Variants in TMEM181 observed in about 807,000 individuals in gnomAD.
The protein encoded by TMEM181 is G protein-coupled receptor 178.
In TMEM181, 39 loss-of-function variants were observed where a neutral mutation model predicts 71.9. That is an observed-to-expected ratio of 0.54 (90% CI 0.42 to 0.71). The LOEUF (loss-of-function observed/expected upper bound fraction) is 0.71, where lower values mean the gene tolerates loss of function less well. Among genes scored for constraint, TMEM181 ranks in the 30% least tolerant of loss-of-function variants. The probability of loss-of-function intolerance (pLI) is 0.00; values close to 1 mark genes in which losing one functional copy is unlikely to be tolerated. For synonymous variants in TMEM181, 245 were observed against 228.8 expected (o/e 1.07, Z -0.64); for missense variants, 595 against 583.0 (o/e 1.02, Z -0.21).
chr6:158,619,394 C>G (rs1785820989), intron 10 of TMEM181, among the ~76,000 whole-genome samples: 1 of 152,128 alleles, frequency 6.6e-6, no homozygotes, highest in Non-Finnish European at 1.5e-5. Flanking sequence ...AGCCATTTGT[C>G]TAATCTTTTT....
At chr6:158,556,581 G>A (rs1562617801), upstream of TMEM181, among the ~76,000 whole-genome samples, 1 of 152,194 alleles carries the variant, frequency 6.6e-6, no homozygotes, top group Non-Finnish European at 1.5e-5. Flanking sequence ...CACTCACAAG[G>A]GGGATGCCAG....
intron 10 of TMEM181, chr6:158,609,844 C>T (rs1480409074): frequency 4.2e-6 from 1 of 238,508 alleles, no homozygotes; most frequent in Non-Finnish European, 9.3e-6. Flanking sequence ...TTTTGGGAAC[C>T]CGGCTAGGGA....
upstream of TMEM181, chr6:158,559,991 C>G (rs933643440): frequency 3.2e-6 from 3 of 948,180 alleles, no homozygotes; most frequent in South Asian, 4.9e-5. Flanking sequence ...GGAGGGCCAC[C>G]CCCCTCGCCG....
chr6:158,608,091 C>T (rs929495744), intron 8 of TMEM181, among the ~76,000 whole-genome samples: 2 of 152,244 alleles, frequency 1.3e-5, no homozygotes, highest in Admixed American at 1.3e-4. Flanking sequence ...TGGTTCACTA[C>T]CTTTCCTTTG....
chr6:158,570,628 C>G (rs371917910), intron 1 of TMEM181, among the ~76,000 whole-genome samples: 1 of 152,208 alleles, frequency 6.6e-6, no homozygotes, highest in East Asian at 1.9e-4. Flanking sequence ...CCCTCTGCAC[C>G]CACACTCTGC....
intron 6 of TMEM181, 122 bp from the exon 7 acceptor site, chr6:158,605,145 T>TGTGTGTGG: frequency 3.6e-6 from 2 of 552,536 alleles, no homozygotes; most frequent in Non-Finnish European, 6.5e-6. Flanking sequence ...TGTGTGTGTG[T>TGTGTGTGG]GTGTGTGTGT....
chr6:158,622,013 AGGCTGCCTCCGGACAGCCCACCT>A (rs1303194032), intron 10 of TMEM181, among the ~76,000 whole-genome samples: 2 of 152,100 alleles, frequency 1.3e-5, no homozygotes, highest in East Asian at 1.9e-4. Context: ...GCACCCCTGA[AGGCTGCCTCCGGACAGCCCACCT>A]GGCTGCCGAG....
At chr6:158,606,181 CAG>C (rs140515247) in intron 7 of TMEM181, among the ~76,000 whole-genome samples, 35 of 125,640 alleles carry the variant, frequency 2.8e-4, no homozygotes, top group South Asian at 5.0e-4. Context: ...GCTAGAGCCA[CAG>C]GGAGCTGGAG....
chr6:158,537,534 C>T (rs1379294276), intron 1 of TMEM181, among the ~76,000 whole-genome samples: 1 of 152,206 alleles, frequency 6.6e-6, no homozygotes, highest in Non-Finnish European at 1.5e-5. Flanking sequence ...CGGCCCCCGC[C>T]CCCTTCCTCT....
In TMEM181 at chr6:158,632,998, G is replaced by A. The variant is rs1456501469; in HGVS notation, c.*1110G>A. The A allele has an allele frequency of 6.6e-6, 1 of 152,270 alleles. No homozygotes were observed. Among genetic ancestry groups the A allele is most frequent in the Non-Finnish European group, 1.5e-5 (1 of 68,108 alleles). 9.4% of individuals were successfully genotyped at this position (152,270 alleles called of 1,614,324 possible). On this transcript the variant is annotated 3_prime_UTR_variant, in exon 17 of 17. Coordinates refer to ENST00000684151, the MANE Select transcript of TMEM181 (RefSeq NM_001376852.1). ...GTGGGAGGATTGCTTGAGCCCTGGA[G>A]GTCAAGGCTGCAGTGAGCCATGATT...
upstream of TMEM181, among the ~76,000 whole-genome samples, chr6:158,558,424 T>C (rs774115591): frequency 6.6e-6 from 1 of 152,246 alleles, no homozygotes; most frequent in Non-Finnish European, 1.5e-5. Flanking sequence ...CTTTTCTTCA[T>C]GATTCTAGAA....
chr6:158,628,527 C>T (rs1472604210), intron 14 of TMEM181, 37 bp downstream of exon 14: 1 of 1,586,924 alleles, frequency 6.3e-7, no homozygotes, highest in African/African-American at 1.3e-5. Context: ...CTGCAGGACG[C>T]CTGCTTAGCA....
At chr6:158,543,167 G>A (rs1175684838) in intron 1 of TMEM181, among the ~76,000 whole-genome samples, 4 of 152,048 alleles carry the variant, frequency 2.6e-5, no homozygotes, top group East Asian at 3.9e-4. Context: ...GAGCCACCTC[G>A]CCTGGCCTCA....
intron 13 of TMEM181, among the ~76,000 whole-genome samples, chr6:158,626,890 CCACACCTTCACTCA>C (rs1786317403): frequency 6.9e-6 from 1 of 144,936 alleles, no homozygotes; most frequent in African/African-American, 2.6e-5. Flanking sequence ...TCTCACACCC[CCACACCTTCACTCA>C]CACACCCTCA....
chr6:158,542,611 T>C (rs2128278011), intron 1 of TMEM181, among the ~76,000 whole-genome samples: 1 of 152,250 alleles, frequency 6.6e-6, no homozygotes, highest in South Asian at 2.1e-4. Flanking sequence ...TTTCTTTTTG[T>C]TGTTTGTTTT....
intron 10 of TMEM181, among the ~76,000 whole-genome samples, chr6:158,618,011 G>A (rs888691777): frequency 1.3e-5 from 2 of 152,244 alleles, no homozygotes; most frequent in Non-Finnish European, 1.5e-5. Context: ...GTGCAGAGCT[G>A]AGTTCAAGTC....
Position 158,608,664 on chromosome 6 carries a change from A to C in TMEM181, c.810A>C (p.Glu270Asp). 2 of 1,604,794 alleles carry C rather than the reference A, an allele frequency of 1.2e-6. No individual in the cohort carries two copies. Residue 270 changes from glutamate to aspartate, a missense_variant, in exon 10 of 17, where the codon GAA becomes GAC. Glu to Asp is a conservative substitution (Grantham distance 45). Coordinates refer to ENST00000684151, the MANE Select transcript of TMEM181 (RefSeq NM_001376852.1). ...TCTTATTTTTTTCTTTTTAGGGAGAAAGAAAGTGTTTAACTTTCTATTTGC... is the reference window on the plus strand; with the variant it reads ...TCTTATTTTTTTCTTTTTAGGGAGACAGAAAGTGTTTAACTTTCTATTTGC... ...CVYHGIRVQG[E>D]RKCLTFYLPK... is the part of the protein sequence containing the mutation.
At chr6:158,606,554 G>A (rs892512298) in intron 7 of TMEM181, among the ~76,000 whole-genome samples, 1 of 152,306 alleles carries the variant, frequency 6.6e-6, no homozygotes. Flanking sequence ...AACCCACATT[G>A]CCTAGAAAAC....
At chr6:158,609,103 A>C (rs1340861779) in intron 10 of TMEM181, among the ~76,000 whole-genome samples, 1 of 152,018 alleles carries the variant, frequency 6.6e-6, no homozygotes, top group Non-Finnish European at 1.5e-5. Context: ...GTCTCAAAAA[A>C]AAAAAAAAAG....
Sources: gnomAD v4.1 joint callset for allele counts (sites outside exome capture counted in the v4.1 genomes callset) on GRCh38, gnomAD v4.1.1 for gene constraint, MANE v1.5 for transcripts, NCBI Gene and HGNC (gene_info 2026-07-23, HGNC 2026-07-21) for gene names.